CSGALNACT1: variants seen among roughly 807,000 people sequenced by gnomAD.
CSGALNACT1 encodes chondroitin sulfate N-acetylgalactosaminyltransferase 1, also known as beta4GalNAcT-1.
CSGALNACT1 carries 52 observed loss-of-function variants against 51.0 expected under a neutral mutation model. The ratio of observed to expected loss-of-function variants is 1.02; its 90% CI spans 0.82 to 1.29. CSGALNACT1 has a LOEUF of 1.29. CSGALNACT1 is among the 50% of genes most tolerant of loss of function. The pLI is 0.00. For synonymous variants in CSGALNACT1, 341 were observed against 254.4 expected, an observed-to-expected ratio of 1.34 and a Z score of -3.24; for missense variants, 935 against 679.2, an observed-to-expected ratio of 1.38 and a Z score of -4.19.
chr8:19,623,209 G>C (rs1443988598), intron 1 of CSGALNACT1, among the ~76,000 whole-genome samples: 1 of 152,180 alleles, frequency 6.6e-6, no homozygotes, highest in Admixed American at 6.6e-5. Flanking sequence ...TCATCAGATT[G>C]ATATAGCAAT....
upstream of CSGALNACT1, among the ~76,000 whole-genome samples, chr8:19,603,933 C>G (rs1356641141): frequency 6.6e-6 from 1 of 151,912 alleles, no homozygotes; most frequent in East Asian, 1.9e-4. Flanking sequence ...TCACAGTTTT[C>G]TCATCTACAC....
chr8:19,422,583 T>TG lies in CSGALNACT1; in HGVS notation c.954-2066dup, dbSNP rs564957110. ...AGAACTTTATCTTGAGTCTTTTCTC[T>TG]GGGGGGGTGCCCCCATTGCACATTT... On this transcript the variant is annotated intron_variant, in intron 6 of 9. Coordinates refer to ENST00000454498, the Ensembl canonical transcript of CSGALNACT1. Among the ~76,000 whole-genome samples the TG allele has an allele frequency of 3.9e-4, 59 of 152,354 alleles. No homozygotes were observed. The East Asian group carries it at 5.8e-3, about 15-fold the overall frequency.
intron 4 of CSGALNACT1, among the ~76,000 whole-genome samples, chr8:19,472,021 T>A (rs191364655): frequency 1.3e-5 from 2 of 152,290 alleles, no homozygotes; most frequent in East Asian, 1.9e-4. Flanking sequence ...AAATGGCAGA[T>A]CCATCTATTC....
intron 1 of CSGALNACT1, among the ~76,000 whole-genome samples, chr8:19,716,610 T>A (rs75675905): frequency 1.7e-4 from 1 of 5,810 alleles, no homozygotes; most frequent in African/African-American, 5.6e-4. Context: ...AAACCCTCTC[T>A]ACAAAAAAAA....
intron 3 of CSGALNACT1, among the ~76,000 whole-genome samples, chr8:19,544,712 G>C (rs567418997): frequency 1.3e-5 from 2 of 152,098 alleles, no homozygotes; most frequent in Non-Finnish European, 2.9e-5. Flanking sequence ...AAATTCCAGG[G>C]GTGAATTAAT....
intron 1 of CSGALNACT1, among the ~76,000 whole-genome samples, chr8:19,698,652 T>C (rs2061702629): frequency 6.6e-6 from 1 of 152,198 alleles, no homozygotes; most frequent in Admixed American, 6.5e-5. Context: ...GCTACTATTT[T>C]TTTAAGATCA....
chr8:19,521,928 T>C (rs1204384626), intron 3 of CSGALNACT1, among the ~76,000 whole-genome samples: 42 of 152,372 alleles, frequency 2.8e-4, no homozygotes, highest in Middle Eastern at 3.4e-3. Context: ...TAAGACTTCA[T>C]GTGTCCATTT....
intron 1 of CSGALNACT1, among the ~76,000 whole-genome samples, chr8:19,694,496 A>G (rs1222451473): frequency 1.3e-5 from 2 of 152,278 alleles, no homozygotes; most frequent in African/African-American, 4.8e-5. Context: ...GCACATAATG[A>G]AGATCGCAGT....
At chr8:19,563,659 T>C (rs80266399) in intron 3 of CSGALNACT1, among the ~76,000 whole-genome samples, 2,443 of 152,152 alleles carry the variant, frequency 0.016, 62 homozygotes, top group South Asian at 0.059. Flanking sequence ...ACAAACTACA[T>C]TGTGACTACC....
chr8:19,444,819 G>A (rs2061862623), intron 5 of CSGALNACT1, among the ~76,000 whole-genome samples: 1 of 152,188 alleles, frequency 6.6e-6, no homozygotes, highest in South Asian at 2.1e-4. Context: ...ATAAAGAACA[G>A]GGAATTGAGA....
intron 1 of CSGALNACT1, among the ~76,000 whole-genome samples, chr8:19,610,614 A>C (rs1480015145): frequency 6.6e-6 from 1 of 152,286 alleles, no homozygotes; most frequent in Non-Finnish European, 1.5e-5. Context: ...CAGAAGGAGA[A>C]CAATGCAGAG....
chr8:19,537,988 T>C (rs2084152831), intron 3 of CSGALNACT1, among the ~76,000 whole-genome samples: 1 of 152,168 alleles, frequency 6.6e-6, no homozygotes, highest in Admixed American at 6.5e-5. Context: ...CAACTATGTA[T>C]CTAACAAAGG....
chr8:19,646,159 A>G lies in CSGALNACT1; in HGVS notation c.-544+36314T>C, dbSNP rs544285351. Among the ~76,000 whole-genome samples the G allele has an allele frequency of 7.6e-4, 116 of 152,334 alleles. 2 individuals carry two copies. In the South Asian group the frequency reaches 0.02, roughly 27 times the overall value. On this transcript the variant is annotated intron_variant, in intron 1 of 9. Transcript: ENST00000332246. ...GAAGAATTAATGAAGACAAAAATCGATATTACTCAGTAGACTGACAAGAGA... is the reference window on the plus strand; with the variant it reads ...GAAGAATTAATGAAGACAAAAATCGGTATTACTCAGTAGACTGACAAGAGA...
intron 4 of CSGALNACT1, among the ~76,000 whole-genome samples, chr8:19,465,928 C>T (rs778937816): frequency 6.6e-6 from 1 of 152,166 alleles, no homozygotes; most frequent in Admixed American, 6.5e-5. Context: ...GAAAAGAATC[C>T]AGATCATGAA....
chr8:19,501,927 G>A (rs542694385), intron 4 of CSGALNACT1, among the ~76,000 whole-genome samples: 4 of 152,244 alleles, frequency 2.6e-5, no homozygotes, highest in East Asian at 1.9e-4. Context: ...CTGCGATTAC[G>A]TAAGAATCCA....
chr8:19,467,582 T>G (rs2067000822), intron 4 of CSGALNACT1, among the ~76,000 whole-genome samples: 1 of 151,598 alleles, frequency 6.6e-6, no homozygotes, highest in East Asian at 1.9e-4. Flanking sequence ...CCTCCTCAAG[T>G]GGCCTGCCAG....
intron 3 of CSGALNACT1, among the ~76,000 whole-genome samples, chr8:19,571,312 C>T (rs2042974848): frequency 6.6e-6 from 1 of 151,976 alleles, no homozygotes; most frequent in African/African-American, 2.4e-5. Flanking sequence ...ACCTGCTATC[C>T]TACAGGAGCT....
chr8:19,584,874 C>T (rs182722041), intron 3 of CSGALNACT1, among the ~76,000 whole-genome samples: 396 of 152,244 alleles, frequency 2.6e-3, no homozygotes, highest in African/African-American at 9.0e-3. Context: ...TACTCTGAAG[C>T]AAGGGATGGT....
chr8:19,691,835 A>T (rs775185214), intron 1 of CSGALNACT1, among the ~76,000 whole-genome samples: 6 of 152,170 alleles, frequency 3.9e-5, no homozygotes, highest in Non-Finnish European at 8.8e-5. Flanking sequence ...CATCATCTGG[A>T]AATTTGTGAG....
Sources: gnomAD v4.1 joint callset for allele counts (sites outside exome capture counted in the v4.1 genomes callset) on GRCh38, gnomAD v4.1.1 for gene constraint, MANE v1.5 for transcripts, NCBI Gene and HGNC (gene_info 2026-07-23, HGNC 2026-07-21) for gene names.